PCYT1B: variants seen among roughly 807,000 people sequenced by gnomAD.
PCYT1B encodes phosphate cytidylyltransferase 1B, choline, also known as choline-phosphate cytidylyltransferase B.
PCYT1B carries 10 observed loss-of-function variants against 26.4 expected under a neutral mutation model. The ratio of observed to expected loss-of-function variants is 0.38; its 90% CI spans 0.23 to 0.64. The LOEUF (loss-of-function observed/expected upper bound fraction) is 0.64. Among genes scored for constraint, PCYT1B ranks in the 30% least tolerant of loss-of-function variants. The pLI, the probability that PCYT1B is intolerant of heterozygous loss-of-function variation, is 0.56. For missense variants in PCYT1B, 161 were observed against 292.7 expected (o/e 0.55, Z 3.28); for synonymous variants, 131 against 108.4 (o/e 1.21, Z -1.29).
intron 3 of PCYT1B, among the ~76,000 whole-genome samples, chrX:24,605,382 C>T (rs1008947223): frequency 9.0e-6 from 1 of 111,616 alleles, no homozygotes; most frequent in Non-Finnish European, 1.9e-5. Flanking sequence ...CAAATGTCAC[C>T]TCCTCAGAGA....
chrX:24,596,140 T>A (rs762943919), intron 3 of PCYT1B, among the ~76,000 whole-genome samples: 1 of 112,215 alleles, frequency 8.9e-6, no homozygotes, highest in African/African-American at 3.2e-5. Context: ...TTTTAATTCC[T>A]TGGCCTGTTT....
chrX:24,564,760 C>T (rs1395770196), intron 7 of PCYT1B, among the ~76,000 whole-genome samples: 1 of 111,158 alleles, frequency 9.0e-6, no homozygotes, highest in African/African-American at 3.3e-5. Flanking sequence ...TGGAGTCTCC[C>T]CTCCCCCAGC....
chrX:24,623,666 A>G (rs1925778293), intron 1 of PCYT1B, among the ~76,000 whole-genome samples: 2 of 111,512 alleles, frequency 1.8e-5, no homozygotes, highest in African/African-American at 6.5e-5. Context: ...TACCAAAGCC[A>G]CATTTCATCA....
chrX:24,591,433 T>C (rs111898198), intron 3 of PCYT1B, among the ~76,000 whole-genome samples: 10 of 109,832 alleles, frequency 9.1e-5, no homozygotes, highest in African/African-American at 2.6e-4. Flanking sequence ...AATTCACTAA[T>C]TTTTTTTTGA....
chrX:24,620,260 G>C (rs888766358), intron 1 of PCYT1B, among the ~76,000 whole-genome samples: 1 of 112,146 alleles, frequency 8.9e-6, no homozygotes, highest in Non-Finnish European at 1.9e-5. Flanking sequence ...GATAGAAGTA[G>C]GGATAAGACC....
At chrX:24,565,139 G>A (rs1923580986) in intron 7 of PCYT1B, among the ~76,000 whole-genome samples, 1 of 110,342 alleles carries the variant, frequency 9.1e-6, no homozygotes, top group South Asian at 4.0e-4. Context: ...TGTGCCTGCT[G>A]CCTGCTGCTC....
intron 3 of PCYT1B, among the ~76,000 whole-genome samples, chrX:24,597,314 G>A (rs1422606557): frequency 2.7e-5 from 3 of 110,139 alleles, no homozygotes; most frequent in African/African-American, 9.9e-5. Context: ...TAGTAGAGAC[G>A]GGGTTTCACC....
At chrX:24,644,403 C>T (rs896144283) in intron 1 of PCYT1B, among the ~76,000 whole-genome samples, 2 of 108,374 alleles carry the variant, frequency 1.8e-5, no homozygotes, top group African/African-American at 6.8e-5. Context: ...GGTGCTTCAA[C>T]AGTTCAACTT....
chrX:24,641,983 T>C (rs1369174236), intron 1 of PCYT1B, among the ~76,000 whole-genome samples: 3 of 112,700 alleles, frequency 2.7e-5, no homozygotes, highest in African/African-American at 9.7e-5. Context: ...GCAGGGACTT[T>C]TCTTAACTTG....
At chrX:24,623,984 T>G (rs1790123230) in intron 1 of PCYT1B, among the ~76,000 whole-genome samples, 1 of 102,115 alleles carries the variant, frequency 9.8e-6, no homozygotes, top group Admixed American at 1.0e-4. Context: ...TTTTTTTTTT[T>G]TTTTTGAGAC....
In PCYT1B at chrX:24,647,033, C is replaced by T. The variant is rs763496638; in HGVS notation, c.73G>A (p.Glu25Lys). ...GTGTGCTCTATTTCCTCCATGGTTT[C>T]TGAGGGAGGCTCATTGGAAAGGGAT... ...PKSLSNEPPSETMEEIEHTCP... is the reference protein window; with the variant it reads ...PKSLSNEPPSKTMEEIEHTCP... The change falls in exon 1 of 8, where the codon GAA becomes AAA. Residue 25 changes from glutamate (E) to lysine (K), a missense_variant. By Grantham distance (56) the Glu-to-Lys change is moderately conservative. This residue lies in a region of PCYT1B where 51 missense variants were observed against 51.0 expected (regional missense o/e 1.00). Transcript: ENST00000379144. The T allele has an allele frequency of 9.9e-6, 12 of 1,209,228 alleles. No individual in the cohort carries two copies. The Admixed American group carries it at 2.4e-4, about 24-fold the overall frequency.
chrX:24,573,089 C>A (rs966501324), intron 7 of PCYT1B, among the ~76,000 whole-genome samples: 1 of 104,271 alleles, frequency 9.6e-6, no homozygotes. Context: ...CATAGATATA[C>A]ACACATATAC....
Position 24,647,347 on chromosome X carries a change from T to A in PCYT1B, c.-242A>T. 1 of 872,780 alleles carries A rather than the reference T, an allele frequency of 1.1e-6. No individual in the cohort carries two copies. The highest frequency in any genetic ancestry group is 1.4e-6 in the Non-Finnish European group (1 of 690,434). 71.9% of individuals were successfully genotyped at this position (872,780 alleles called of 1,213,427 possible). A position where few individuals can be genotyped will look rare whatever the true frequency, so the allele number is the denominator to read the frequency against. On this transcript the variant is annotated 5_prime_UTR_variant, in exon 1 of 8. Transcript: ENST00000379144. ...TATCACTATAACAACCAGACGACAC[T>A]GAAGCGGCTGGTGCGGGATACAGTA... is the stretch of plus-strand genomic sequence containing the variant.
intron 3 of PCYT1B, among the ~76,000 whole-genome samples, chrX:24,595,879 T>C (rs1221097609): frequency 1.1e-5 from 1 of 92,564 alleles, no homozygotes; most frequent in Non-Finnish European, 2.1e-5. Flanking sequence ...AGACCCTGTC[T>C]CAAAGAAAAA....
rs763714893 is a variant in PCYT1B at position 24,616,133 on chromosome X, T to C, written c.217+2852A>G. Among the ~76,000 whole-genome samples, 5 of 110,944 alleles carry C rather than the reference T, an allele frequency of 4.5e-5. No individual in the cohort carries two copies. The South Asian group carries it at 1.9e-3, about 43-fold the overall frequency. Reference sequence around the variant, plus strand: ...GATATATAGTAAGTTCTACTTCCCTTTCCTTTCCCTAGAAAGGTAGAGGCC... The same window carrying C: ...GATATATAGTAAGTTCTACTTCCCTCTCCTTTCCCTAGAAAGGTAGAGGCC... On this transcript the variant is annotated intron_variant, in intron 2 of 7. Transcript: ENST00000379144.
At chrX:24,595,587 G>A (rs1924747663) in intron 3 of PCYT1B, among the ~76,000 whole-genome samples, 1 of 111,354 alleles carries the variant, frequency 9.0e-6, no homozygotes, top group African/African-American at 3.3e-5. Flanking sequence ...GCCCAGTAAA[G>A]TCTGAGACTA....
chrX:24,666,383 T>G (rs779424756), intron 1 of PCYT1B, among the ~76,000 whole-genome samples: 33 of 111,864 alleles, frequency 3.0e-4, no homozygotes, highest in African/African-American at 1.1e-3. Context: ...GGACAAACTC[T>G]TAAAGATTGA....
chrX:24,639,390 A>G (rs1426033616), intron 1 of PCYT1B, among the ~76,000 whole-genome samples: 1 of 112,495 alleles, frequency 8.9e-6, no homozygotes, highest in East Asian at 2.8e-4. Context: ...TTGTCTTGAC[A>G]GCCCCCTGTC....
At chrX:24,623,915 C>G (rs1925787186) in intron 1 of PCYT1B, among the ~76,000 whole-genome samples, 1 of 109,698 alleles carries the variant, frequency 9.1e-6, no homozygotes, top group Admixed American at 9.8e-5. Flanking sequence ...TAGCACAGTA[C>G]TGCTGATGGT....
Sources: allele counts gnomAD v4.1 joint callset (sites outside exome capture counted in the v4.1 genomes callset), GRCh38; gene constraint gnomAD v4.1.1; regional missense constraint gnomAD v4.1.1; transcripts MANE v1.5; gene names NCBI Gene and HGNC (gene_info 2026-07-23, HGNC 2026-07-21).